Variants in C4orf50 observed in about 807,000 individuals in gnomAD.
C4orf50 encodes the protein uncharacterized protein C4orf50.
C4orf50 carries 80 observed loss-of-function variants against 77.2 expected under a neutral mutation model. That is an observed-to-expected ratio of 1.04 (90% CI 0.87 to 1.25). The LOEUF (loss-of-function observed/expected upper bound fraction) is 1.25. C4orf50 is among the 50% of genes most tolerant of loss of function. C4orf50 has a pLI of 0.00. For missense variants in C4orf50, 1,257 were observed against 1,152.9 expected (o/e 1.09, Z -1.31); for synonymous variants, 532 against 465.3 (o/e 1.14, Z -1.84).
At chr4:5,966,659 G>T (rs1431607080) in intron 32 of C4orf50, among the ~76,000 whole-genome samples, 9 of 145,820 alleles carry the variant, frequency 6.2e-5, no homozygotes, top group Admixed American at 2.7e-4. Context: ...ATCTTAAGAG[G>T]TTTTTTTTTT....
chr4:6,013,600 G>T (rs1722567625), intron 23 of C4orf50, among the ~76,000 whole-genome samples: 1 of 152,158 alleles, frequency 6.6e-6, no homozygotes, highest in Non-Finnish European at 1.5e-5. Context: ...GTGAGATGGG[G>T]ATATGGATCC....
chr4:5,915,018 T>C (rs1716971791), intron 7 of C4orf50, among the ~76,000 whole-genome samples: 1 of 152,230 alleles, frequency 6.6e-6, no homozygotes, highest in Non-Finnish European at 1.5e-5. Flanking sequence ...GTAATTACTC[T>C]AAATTCTACA....
chr4:5,922,978 A>G (rs1717348198), intron 7 of C4orf50, among the ~76,000 whole-genome samples: 1 of 152,162 alleles, frequency 6.6e-6, no homozygotes, highest in African/African-American at 2.4e-5. Flanking sequence ...CATCATTCTA[A>G]ACATTTTGAC....
chr4:6,005,439 C>G (rs1391962448), intron 25 of C4orf50, among the ~76,000 whole-genome samples: 1 of 152,022 alleles, frequency 6.6e-6, no homozygotes, highest in Non-Finnish European at 1.5e-5. Context: ...GACAAGGAGC[C>G]AGGGAGCTTA....
At position 5,965,088 on chromosome 4, in the gene C4orf50, G is replaced by A. The variant is rs758761959; in HGVS notation, c.4211C>T (p.Ser1404Leu). 31 of 1,613,616 alleles carry A rather than the reference G, an allele frequency of 1.9e-5. No homozygotes were observed. In the African/African-American group the frequency reaches 3.6e-4, roughly 19 times the overall value. The change falls in exon 33 of 34, where the codon TCA becomes TTA. Residue 1404 changes from serine (S) to leucine (L), a missense_variant. Ser to Leu is a moderately radical substitution (Grantham distance 145). Transcript: ENST00000531445. The stretch of plus-strand genomic sequence containing the variant: ...CGGCTCGGGAATAGGCCAGGACTCT[G>A]AAGACAATGAGCTTTGGAGGACACT...
At chr4:5,964,487 C>A (rs1029457259) in intron 33 of C4orf50, among the ~76,000 whole-genome samples, 2 of 151,992 alleles carry the variant, frequency 1.3e-5, no homozygotes, top group Non-Finnish European at 2.9e-5. Context: ...GTCACCAGAC[C>A]AGCTGGGTAT....
At chr4:5,978,918 T>C (rs956076175) in intron 29 of C4orf50, among the ~76,000 whole-genome samples, 1 of 152,178 alleles carries the variant, frequency 6.6e-6, no homozygotes, top group Admixed American at 6.5e-5. Flanking sequence ...CATGGGCAAA[T>C]GAACATAAAA....
chr4:5,980,275 G>T (rs923883706), exon 29 of C4orf50: 3 of 1,613,050 alleles, frequency 1.9e-6, no homozygotes, highest in Non-Finnish European at 2.5e-6. Flanking sequence ...AGCACCCGGT[G>T]ATGGAGCTGC....
chr4:5,961,543 C>A lies in C4orf50; in HGVS notation c.4276-1917G>T, dbSNP rs540212619. Among the ~76,000 whole-genome samples, 4 of 152,144 alleles carry A rather than the reference C, an allele frequency of 2.6e-5. No individual in the cohort carries two copies. The South Asian group carries it at 8.3e-4, about 32-fold the overall frequency. ...GTGCTATTATTATCATCCCATCATACAGATGAAGCAACAGAAGCCCAGAGA... is the reference window on the plus strand; with the variant it reads ...GTGCTATTATTATCATCCCATCATAAAGATGAAGCAACAGAAGCCCAGAGA... On this transcript the variant is annotated intron_variant, in intron 33 of 33. Transcript: ENST00000531445.
intron 28 of C4orf50, among the ~76,000 whole-genome samples, chr4:5,982,501 C>T (rs1489285046): frequency 6.6e-6 from 1 of 152,170 alleles, no homozygotes; most frequent in Non-Finnish European, 1.5e-5. Flanking sequence ...ACATTCAATA[C>T]AGCCTGATAA....
At chr4:5,990,785 G>A (rs993066485) in exon 28 of C4orf50, 2 of 399,038 alleles carry the variant, frequency 5.0e-6, no homozygotes, top group African/African-American at 4.1e-5. Context: ...CAGACCAGGA[G>A]AAGAATCTGT....
intron 7 of C4orf50, chr4:5,899,535 C>T (rs1290934161): frequency 6.6e-6 from 1 of 152,204 alleles, no homozygotes; most frequent in Non-Finnish European, 1.5e-5. Flanking sequence ...AGTTACAAAG[C>T]CAACTCATGG....
intron 25 of C4orf50, among the ~76,000 whole-genome samples, chr4:6,001,392 CATG>C (rs1721824661): frequency 6.6e-6 from 1 of 152,200 alleles, no homozygotes; most frequent in African/African-American, 2.4e-5. Flanking sequence ...GTTCGTGTTC[CATG>C]ATATTTTATG....
rs879691822 is a variant in C4orf50 at position 5,970,559 on chromosome 4, C to T, written c.4105-3097G>A. 2.6e-5 allele frequency among the ~76,000 whole-genome samples: 4 copies of T among 152,172 alleles called. No homozygotes were observed. Among genetic ancestry groups the T allele is most frequent in the South Asian group, 4.2e-4 (2 of 4,798 alleles). ...CAGCACAGACAGCGGTGCTGGGACC[C>T]GTGGCCCCCAGCCCAACACCACATG... On this transcript the variant is annotated intron_variant, in intron 31 of 33. Coordinates refer to ENST00000531445, the Ensembl canonical transcript of C4orf50. The surrounding 1 kb of genome is among the most constrained non-coding windows in gnomAD (Gnocchi z 4.3).
Position 5,980,274 on chromosome 4 carries a change from TG to T in C4orf50, c.3763del (p.His1255ThrfsTer4), listed in dbSNP as rs1341268500. The T allele has an allele frequency of 6.8e-6, 11 of 1,612,848 alleles. No homozygotes were observed. The Admixed American group carries it at 1.2e-4, about 17-fold the overall frequency. ...CTGGCACTGCAGGGTCAGCACCCGG[TG>T]ATGGAGCTGCTGGGCCCGCAGCCTG... On this transcript the variant is annotated frameshift_variant, in exon 29 of 34. Transcript: ENST00000531445. LOFTEE classifies it high-confidence loss of function.
chr4:5,941,371 G>T (rs76275253), intron 7 of C4orf50, among the ~76,000 whole-genome samples: 1 of 152,088 alleles, frequency 6.6e-6, no homozygotes, highest in Non-Finnish European at 1.5e-5. Context: ...AGCTGAGACC[G>T]GAACTCTGGC....
chr4:5,981,126 T>C (rs1232069862), intron 28 of C4orf50, among the ~76,000 whole-genome samples: 1 of 152,204 alleles, frequency 6.6e-6, no homozygotes. Flanking sequence ...ACACAGATTT[T>C]CTATATAAAA....
chr4:5,952,371 C>G (rs1375185001), downstream of C4orf50, among the ~76,000 whole-genome samples: 1 of 152,244 alleles, frequency 6.6e-6, no homozygotes, highest in Non-Finnish European at 1.5e-5. This position sits in a 1 kb window ranked among gnomAD's most constrained non-coding sequence, Gnocchi z 4.4. Flanking sequence ...CAATGAGAAG[C>G]CAGCCGAATT....
At chr4:5,917,982 G>A (rs4689294) in intron 7 of C4orf50, among the ~76,000 whole-genome samples, 25,908 of 152,028 alleles carry the variant, frequency 0.17, 4,232 homozygotes, top group African/African-American at 0.43. Flanking sequence ...CTGGCCCGAC[G>A]CAAATGACGA....
Sources: gnomAD v4.1 joint callset for allele counts (sites outside exome capture counted in the v4.1 genomes callset) on GRCh38, gnomAD v4.1.1 for gene constraint, Gnocchi (gnomAD v3.1) non-coding constraint, MANE v1.5 for transcripts, NCBI Gene and HGNC (gene_info 2026-07-23, HGNC 2026-07-21) for gene names.